Variants in ANKS1B observed in about 807,000 individuals in gnomAD.
ANKS1B encodes the protein ankyrin repeat and sterile alpha motif domain-containing protein 1B.
In ANKS1B, 36 loss-of-function variants were observed where a neutral mutation model predicts 148.3. The ratio of observed to expected loss-of-function variants is 0.24; its 90% CI spans 0.19 to 0.32. The LOEUF (loss-of-function observed/expected upper bound fraction) is 0.32, where lower values mean the gene tolerates loss of function less well. Ranked by LOEUF, ANKS1B falls within the 10% of genes least tolerant of loss-of-function variation. The pLI is 1.00. For missense variants in ANKS1B, 1,157 were observed against 1,542.6 expected, an observed-to-expected ratio of 0.75 and a Z score of 4.19; for synonymous variants, 542 against 560.8, an observed-to-expected ratio of 0.97 and a Z score of 0.47.
intron 14 of ANKS1B, among the ~76,000 whole-genome samples, chr12:99,209,446 C>T (rs184186626): frequency 2.6e-5 from 4 of 152,274 alleles, no homozygotes; most frequent in African/African-American, 9.6e-5. Context: ...TGCCTGTGGA[C>T]TGGACTGGAT....
intron 8 of ANKS1B, among the ~76,000 whole-genome samples, chr12:99,701,910 T>C (rs1253224425): frequency 6.6e-6 from 1 of 152,194 alleles, no homozygotes. Context: ...ATCATGTATA[T>C]GTGCCACATT....
chr12:99,921,739 A>C (rs1180773944), intron 1 of ANKS1B, among the ~76,000 whole-genome samples: 2 of 152,234 alleles, frequency 1.3e-5, no homozygotes, highest in Non-Finnish European at 2.9e-5. Flanking sequence ...GAAAGATCAC[A>C]GGATGGCTTT....
At chr12:99,522,865 C>T (rs558446158) in intron 9 of ANKS1B, among the ~76,000 whole-genome samples, 36 of 152,154 alleles carry the variant, frequency 2.4e-4, no homozygotes, top group Admixed American at 3.9e-4. Flanking sequence ...TCATAAAAGG[C>T]GGGCTAACTG....
rs966029914 is a variant in ANKS1B, at chr12:98,804,761, C to T, written c.3141+3083G>A. Among the ~76,000 whole-genome samples the T allele has an allele frequency of 3.3e-5, 5 of 152,278 alleles. 1 individual carries two copies. The highest frequency in any genetic ancestry group is 6.5e-5 in the Admixed American group (1 of 15,300). ...GGTCAAAAAAGAAAGATTTTTGCCTCATACATAAAATCATTTTGAACTTTG... is the reference window on the plus strand; with the variant it reads ...GGTCAAAAAAGAAAGATTTTTGCCTTATACATAAAATCATTTTGAACTTTG... On this transcript the variant is annotated intron_variant, in intron 20 of 26. Transcript: ENST00000683438.
chr12:99,017,242 G>A (rs1464961316), intron 17 of ANKS1B, among the ~76,000 whole-genome samples: 3 of 152,090 alleles, frequency 2.0e-5, no homozygotes, highest in Non-Finnish European at 4.4e-5. Flanking sequence ...ACTTTGGGAG[G>A]AATTTAGTTT....
intron 6 of ANKS1B, among the ~76,000 whole-genome samples, chr12:99,776,306 C>T (rs1433035498): frequency 6.6e-6 from 1 of 152,122 alleles, no homozygotes; most frequent in African/African-American, 2.4e-5. Context: ...ATATTGCTTA[C>T]TATGGACCCA....
At chr12:99,389,684 C>A (rs116612680) in intron 12 of ANKS1B, among the ~76,000 whole-genome samples, 2,440 of 151,938 alleles carry the variant, frequency 0.016, 67 homozygotes, top group African/African-American at 0.056. Context: ...ATATATACAG[C>A]AATAAATTTG....
At chr12:99,346,372 C>G (rs532308903) in intron 12 of ANKS1B, among the ~76,000 whole-genome samples, 2 of 149,176 alleles carry the variant, frequency 1.3e-5, no homozygotes, top group African/African-American at 5.0e-5. Flanking sequence ...CTCTTTCTCT[C>G]TCACACACGC....
chr12:98,807,024 C>T (rs927596399), intron 20 of ANKS1B, among the ~76,000 whole-genome samples: 3 of 152,146 alleles, frequency 2.0e-5, no homozygotes, highest in African/African-American at 7.2e-5. Context: ...CAAGAATCTG[C>T]TCAGTGATTC....
chr12:99,156,712 T>C (rs2076097632), intron 14 of ANKS1B, among the ~76,000 whole-genome samples: 1 of 152,202 alleles, frequency 6.6e-6, no homozygotes, highest in African/African-American at 2.4e-5. Context: ...CGAATAAATC[T>C]CTTTCTTCTC....
At chr12:99,350,016 C>T (rs765382294) in intron 12 of ANKS1B, among the ~76,000 whole-genome samples, 2 of 152,032 alleles carry the variant, frequency 1.3e-5, no homozygotes, top group East Asian at 1.9e-4. Context: ...TGTGTCCCCA[C>T]GGAAATCTCT....
intron 15 of ANKS1B, among the ~76,000 whole-genome samples, chr12:99,086,402 A>G (rs4762548): frequency 0.66 from 100,205 of 152,118 alleles, 33,269 homozygotes; most frequent in East Asian, 0.89. Flanking sequence ...GGTAAGGCTG[A>G]ATGAGTAAGC....
intron 9 of ANKS1B, among the ~76,000 whole-genome samples, chr12:99,555,532 T>C (rs2097266964): frequency 6.6e-6 from 1 of 152,206 alleles, no homozygotes; most frequent in Admixed American, 6.5e-5. Context: ...TCAAGGGTTA[T>C]GCTTCTAGCT....
intron 11 of ANKS1B, among the ~76,000 whole-genome samples, chr12:99,408,935 A>G (rs2094597304): frequency 6.6e-6 from 1 of 150,928 alleles, no homozygotes; most frequent in Non-Finnish European, 1.5e-5. Context: ...GTAGAGAAAA[A>G]TGGAGATTTT....
At chr12:98,743,155 A>AT (rs1042564149), downstream of ANKS1B, among the ~76,000 whole-genome samples, 4 of 152,074 alleles carry the variant, frequency 2.6e-5, no homozygotes, top group Admixed American at 2.0e-4. Flanking sequence ...ATTTTTATTG[A>AT]TTTTTGAGGA....
chr12:98,951,064 C>T (rs968749238), intron 17 of ANKS1B, among the ~76,000 whole-genome samples: 10 of 152,134 alleles, frequency 6.6e-5, no homozygotes, highest in African/African-American at 2.4e-4. Flanking sequence ...CAGAATTTCA[C>T]ATATATATGA....
chr12:99,759,278 A>G (rs1299026164), intron 8 of ANKS1B, among the ~76,000 whole-genome samples: 6 of 151,934 alleles, frequency 3.9e-5, no homozygotes, highest in African/African-American at 1.4e-4. Context: ...AAATAACATC[A>G]GTTTTAAAAA....
At chr12:98,895,667 G>A (rs1262119558) in intron 17 of ANKS1B, among the ~76,000 whole-genome samples, 1 of 152,156 alleles carries the variant, frequency 6.6e-6, no homozygotes, top group Non-Finnish European at 1.5e-5. Flanking sequence ...CAGTAGACTT[G>A]GAGGGTCACG....
intron 1 of ANKS1B, among the ~76,000 whole-genome samples, chr12:99,929,150 A>C (rs2094548829): frequency 6.6e-6 from 1 of 152,186 alleles, no homozygotes. Context: ...AATTTTCATA[A>C]ATTCTTATAT....
Sources: gnomAD v4.1 joint callset for allele counts (sites outside exome capture counted in the v4.1 genomes callset) on GRCh38, gnomAD v4.1.1 for gene constraint, MANE v1.5 for transcripts, NCBI Gene and HGNC (gene_info 2026-07-23, HGNC 2026-07-21) for gene names.